Variants in BMP6 observed in about 807,000 individuals in gnomAD.
BMP6 encodes bone morphogenetic protein 6.
A neutral mutation model predicts 54.1 loss-of-function variants in BMP6; 17 were observed. The ratio of observed to expected loss-of-function variants is 0.31; its 90% CI spans 0.22 to 0.47. The LOEUF (loss-of-function observed/expected upper bound fraction) is 0.47. Among genes scored for constraint, BMP6 ranks in the 20% least tolerant of loss-of-function variants. The pLI is 1.00. For missense variants in BMP6, 720 were observed against 690.4 expected, an observed-to-expected ratio of 1.04 and a Z score of -0.48; for synonymous variants, 328 against 291.2, an observed-to-expected ratio of 1.13 and a Z score of -1.28.
At chr6:7,729,600 G>A (rs907125311) in intron 1 of BMP6, among the ~76,000 whole-genome samples, 9 of 152,080 alleles carry the variant, frequency 5.9e-5, no homozygotes, top group Admixed American at 2.6e-4. Context: ...TTTTGAGGGT[G>A]GGGCACAGGC....
At chr6:7,767,176 C>T (rs1757705981) in intron 1 of BMP6, among the ~76,000 whole-genome samples, 1 of 151,792 alleles carries the variant, frequency 6.6e-6, no homozygotes, top group Admixed American at 6.6e-5. Flanking sequence ...TTAGGAGAGA[C>T]GGGGTTTCAC....
At chr6:7,751,804 G>A (rs1011925295) in intron 1 of BMP6, among the ~76,000 whole-genome samples, 1 of 152,190 alleles carries the variant, frequency 6.6e-6, no homozygotes, top group Admixed American at 6.5e-5. Flanking sequence ...TGTTTTCTTT[G>A]TTAGTCAAGT....
Position 7,853,809 on chromosome 6 carries a change from A to G in BMP6, c.858-7642A>G, listed in dbSNP as rs1226344982. ...TTGTTCCTTTGCCCCTGAAAAAGGG[A>G]TAATACAAGTGACCCATGGTTCAGG... On this transcript the variant is annotated intron_variant, in intron 2 of 6. Transcript: ENST00000283147. Among the ~76,000 whole-genome samples, 3 of 152,120 alleles carry G rather than the reference A, an allele frequency of 2.0e-5. 1 individual carries two copies. The highest frequency in any genetic ancestry group is 4.4e-5 in the Non-Finnish European group (3 of 68,018).
chr6:7,794,123 A>G (rs1399468627), intron 1 of BMP6, among the ~76,000 whole-genome samples: 1 of 152,056 alleles, frequency 6.6e-6, no homozygotes, highest in Non-Finnish European at 1.5e-5. Flanking sequence ...TGGCCCCTTG[A>G]CTTGGAGATT....
chr6:7,771,305 G>A (rs1454851651), intron 1 of BMP6, among the ~76,000 whole-genome samples: 1 of 152,162 alleles, frequency 6.6e-6, no homozygotes, highest in Non-Finnish European at 1.5e-5. Context: ...TCCAGTCCAT[G>A]TCCTCAGAGC....
At chr6:7,807,845 T>C (rs988407678) in intron 1 of BMP6, among the ~76,000 whole-genome samples, 1 of 152,070 alleles carries the variant, frequency 6.6e-6, no homozygotes, top group African/African-American at 2.4e-5. Flanking sequence ...AATGCAGACA[T>C]TGGCCTGCAA....
At chr6:7,783,155 G>A (rs892257259) in intron 1 of BMP6, among the ~76,000 whole-genome samples, 2 of 152,294 alleles carry the variant, frequency 1.3e-5, no homozygotes, top group Admixed American at 6.5e-5. Context: ...GCAAAGAAGC[G>A]TTTGTGGCAT....
chr6:7,805,360 C>A lies in BMP6; in HGVS notation c.665-39780C>A, dbSNP rs377258185. Among the ~76,000 whole-genome samples the A allele has an allele frequency of 1.1e-4, 17 of 152,324 alleles. 2 individuals are homozygous for A. Among genetic ancestry groups the A allele is most frequent in the East Asian group, 7.7e-4 (4 of 5,188 alleles). ...CTGACACACAGGTATGTGAAGAGAT[C>A]TGTATCTATTCAACACACACACGAT... On this transcript the variant is annotated intron_variant, in intron 1 of 6. Coordinates refer to ENST00000283147, the MANE Select transcript of BMP6 (RefSeq NM_001718.6).
At chr6:7,759,931 C>T (rs1757586402) in intron 1 of BMP6, among the ~76,000 whole-genome samples, 1 of 151,906 alleles carries the variant, frequency 6.6e-6, no homozygotes, top group Admixed American at 6.5e-5. Flanking sequence ...CTCAGAACTC[C>T]TGACCTCAGG....
At chr6:7,817,607 G>A (rs963312423) in intron 1 of BMP6, among the ~76,000 whole-genome samples, 2 of 151,746 alleles carry the variant, frequency 1.3e-5, no homozygotes, top group Admixed American at 1.3e-4. Context: ...ATAGCATTAG[G>A]AGATATACCT....
intron 2 of BMP6, among the ~76,000 whole-genome samples, chr6:7,854,018 T>A (rs189973427): frequency 6.6e-6 from 1 of 152,282 alleles, no homozygotes; most frequent in East Asian, 1.9e-4. Flanking sequence ...GGAATTAAAG[T>A]TATAAAGAAT....
chr6:7,787,739 T>C (rs1285186496), intron 1 of BMP6, among the ~76,000 whole-genome samples: 2 of 152,246 alleles, frequency 1.3e-5, no homozygotes, highest in Non-Finnish European at 2.9e-5. Context: ...TGCTAGACAC[T>C]AGTATAACTT....
At chr6:7,861,005 A>C (rs778222136) in intron 2 of BMP6, among the ~76,000 whole-genome samples, 21 of 152,170 alleles carry the variant, frequency 1.4e-4, no homozygotes, top group Admixed American at 7.9e-4. Context: ...ATCATAAATA[A>C]ATTTTTAAAA....
intron 1 of BMP6, among the ~76,000 whole-genome samples, chr6:7,826,238 TACTC>T (rs1352426680): frequency 1.3e-5 from 2 of 152,224 alleles, no homozygotes; most frequent in Non-Finnish European, 2.9e-5. Context: ...CCTGTTCTCT[TACTC>T]ACAGGTCGCT....
At chr6:7,838,475 G>T (rs1348505895) in intron 1 of BMP6, among the ~76,000 whole-genome samples, 2 of 152,138 alleles carry the variant, frequency 1.3e-5, no homozygotes, top group African/African-American at 4.8e-5. Flanking sequence ...GTAAATATAT[G>T]AAAGCAACCC....
At chr6:7,846,637 G>A (rs930383739) in intron 2 of BMP6, among the ~76,000 whole-genome samples, 1 of 152,192 alleles carries the variant, frequency 6.6e-6, no homozygotes, top group African/African-American at 2.4e-5. Context: ...TACATCCATT[G>A]TGGTATCTTT....
chr6:7,786,503 C>T (rs12530148), intron 1 of BMP6, among the ~76,000 whole-genome samples: 1 of 145,110 alleles, frequency 6.9e-6, no homozygotes, highest in Non-Finnish European at 1.5e-5. Context: ...CTCTGGAAAC[C>T]TTTCAGCTCA....
chr6:7,771,796 T>C (rs940327020), intron 1 of BMP6, among the ~76,000 whole-genome samples: 1 of 152,148 alleles, frequency 6.6e-6, no homozygotes, highest in African/African-American at 2.4e-5. Context: ...CTCATGCCTG[T>C]AATCCCAGCA....
chr6:7,811,826 C>T (rs1758440609), intron 1 of BMP6, among the ~76,000 whole-genome samples: 1 of 152,184 alleles, frequency 6.6e-6, no homozygotes, highest in Admixed American at 6.5e-5. Context: ...CTGCAGATAA[C>T]TTCAGTAATG....
Sources: gnomAD v4.1 joint callset for allele counts (sites outside exome capture counted in the v4.1 genomes callset) on GRCh38, gnomAD v4.1.1 for gene constraint, MANE v1.5 for transcripts, NCBI Gene and HGNC (gene_info 2026-07-23, HGNC 2026-07-21) for gene names.